PCDH15: variants seen among roughly 807,000 people sequenced by gnomAD.
PCDH15 encodes the protein protocadherin-15.
PCDH15 carries 129 observed loss-of-function variants against 178.5 expected under a neutral mutation model. The observed-to-expected ratio is 0.72, with a 90% confidence interval of 0.63 to 0.84. The LOEUF is 0.84. PCDH15 is among the 40% of genes least tolerant of loss of function. The pLI is 0.00. For missense variants in PCDH15, 2,230 were observed against 2,099.9 expected, an observed-to-expected ratio of 1.06 and a Z score of -1.21; for synonymous variants, 800 against 732.0, an observed-to-expected ratio of 1.09 and a Z score of -1.50.
intron 2 of PCDH15, among the ~76,000 whole-genome samples, chr10:55,006,476 T>A (rs905161476): frequency 6.6e-6 from 1 of 152,242 alleles, no homozygotes; most frequent in Non-Finnish European, 1.5e-5. Context: ...ATGCAAGGTA[T>A]ACTTACAAGC....
intron 3 of PCDH15, among the ~76,000 whole-genome samples, chr10:54,883,594 AT>A (rs1954301246): frequency 1.3e-5 from 2 of 152,052 alleles, no homozygotes; most frequent in South Asian, 4.1e-4. Context: ...TATCTCACCA[AT>A]AAAAAATACT....
At chr10:55,388,493 G>A (rs1439563915) in intron 2 of PCDH15, among the ~76,000 whole-genome samples, 2 of 152,034 alleles carry the variant, frequency 1.3e-5, no homozygotes, top group African/African-American at 4.8e-5. Flanking sequence ...TTAAACTTCT[G>A]TCTGTCTGGA....
intron 1 of PCDH15, among the ~76,000 whole-genome samples, chr10:55,217,898 C>A (rs1391806901): frequency 6.6e-6 from 1 of 151,898 alleles, no homozygotes; most frequent in Non-Finnish European, 1.5e-5. Context: ...GTTAGTCTAA[C>A]AGCTTTTTTG....
chr10:53,977,654 CA>C (rs1248164693), intron 21 of PCDH15, among the ~76,000 whole-genome samples: 3 of 152,186 alleles, frequency 2.0e-5, no homozygotes, highest in Non-Finnish European at 4.4e-5. Context: ...AACAGTCCCT[CA>C]AAGTCTTAAC....
At chr10:54,057,842 C>G (rs1229478876) in intron 18 of PCDH15, among the ~76,000 whole-genome samples, 1 of 152,148 alleles carries the variant, frequency 6.6e-6, no homozygotes, top group Non-Finnish European at 1.5e-5. Context: ...GAAGTTTCTT[C>G]TGCTAGATAT....
At chr10:54,573,395 A>G (rs1375784207) in intron 2 of PCDH15, among the ~76,000 whole-genome samples, 1 of 152,208 alleles carries the variant, frequency 6.6e-6, no homozygotes, top group African/African-American at 2.4e-5. Context: ...ACACATACAC[A>G]TAAATTTAGG....
chr10:54,154,964 T>C (rs2044948300), intron 13 of PCDH15, among the ~76,000 whole-genome samples: 1 of 152,192 alleles, frequency 6.6e-6, no homozygotes, highest in Admixed American at 6.6e-5. Context: ...TTCTGTTTTG[T>C]GTATGGATAA....
At chr10:54,466,192 C>G (rs770935492) in intron 3 of PCDH15, among the ~76,000 whole-genome samples, 7 of 151,822 alleles carry the variant, frequency 4.6e-5, no homozygotes, top group Non-Finnish European at 1.0e-4. Context: ...CTTAGCTGTG[C>G]AGAAATTTTT....
intron 2 of PCDH15, among the ~76,000 whole-genome samples, chr10:55,451,581 A>C (rs1839436652): frequency 6.6e-6 from 1 of 152,188 alleles, no homozygotes; most frequent in African/African-American, 2.4e-5. Flanking sequence ...TGTAAAAAAG[A>C]ATTCATTCAG....
intron 2 of PCDH15, among the ~76,000 whole-genome samples, chr10:55,333,028 T>C (rs1182157543): frequency 6.6e-6 from 1 of 152,150 alleles, no homozygotes; most frequent in East Asian, 1.9e-4. Context: ...AATGCATACT[T>C]TTACTAGCTA....
intron 3 of PCDH15, among the ~76,000 whole-genome samples, chr10:54,401,910 C>T (rs545599433): frequency 6.6e-6 from 1 of 151,704 alleles, no homozygotes; most frequent in East Asian, 1.9e-4. Context: ...GCTAGCATAA[C>T]CCTGATAACA....
At chr10:55,221,953 G>T (rs1353703108) in intron 1 of PCDH15, among the ~76,000 whole-genome samples, 1 of 150,002 alleles carries the variant, frequency 6.7e-6, no homozygotes, top group Admixed American at 6.6e-5. Context: ...TGCAACCTCC[G>T]CCTCCTGGGT....
intron 2 of PCDH15, among the ~76,000 whole-genome samples, chr10:55,093,880 A>T (rs1031299783): frequency 6.6e-6 from 1 of 152,164 alleles, no homozygotes; most frequent in African/African-American, 2.4e-5. Context: ...ATCATTAAAA[A>T]GTCAGGAAAC....
intron 8 of PCDH15, among the ~76,000 whole-genome samples, chr10:54,311,402 T>C (rs1222143338): frequency 1.3e-5 from 2 of 152,090 alleles, no homozygotes; most frequent in African/African-American, 4.8e-5. Flanking sequence ...TAAGGATTTA[T>C]CATGGTTTTA....
At chr10:54,672,241 T>G (rs1051934795) in intron 1 of PCDH15, among the ~76,000 whole-genome samples, 1 of 151,492 alleles carries the variant, frequency 6.6e-6, no homozygotes, top group Non-Finnish European at 1.5e-5. Flanking sequence ...ATAATAGAAA[T>G]AGAGTGTATA....
chr10:54,924,604 T>C (rs1837569974), intron 2 of PCDH15, among the ~76,000 whole-genome samples: 1 of 150,404 alleles, frequency 6.6e-6, no homozygotes, highest in Non-Finnish European at 1.5e-5. Flanking sequence ...CATTAGCATC[T>C]GTTATTTTTT....
At chr10:55,447,199 T>C (rs1839336314) in intron 2 of PCDH15, among the ~76,000 whole-genome samples, 1 of 152,074 alleles carries the variant, frequency 6.6e-6, no homozygotes, top group South Asian at 2.1e-4. Flanking sequence ...TTGGTAAGTG[T>C]AGTAAACGTT....
rs999392369 is a variant in PCDH15 at position 55,042,833 on chromosome 10, A to G, written c.-80+123743T>C. Among the ~76,000 whole-genome samples, 4 of 152,164 alleles carry G rather than the reference A, an allele frequency of 2.6e-5. No individual in the cohort carries two copies. The South Asian group carries it at 6.2e-4, about 24-fold the overall frequency. ...CTATGATCTACCTTCCAGTCTTTCAATATAAATTTATTTAATACATTTTGA... is the reference window on the plus strand; with the variant it reads ...CTATGATCTACCTTCCAGTCTTTCAGTATAAATTTATTTAATACATTTTGA... On this transcript the variant is annotated intron_variant, in intron 2 of 5. Transcript: ENST00000458638.
chr10:54,202,825 A>G (rs1027945321), intron 10 of PCDH15, among the ~76,000 whole-genome samples: 1 of 141,258 alleles, frequency 7.1e-6, no homozygotes, highest in Non-Finnish European at 1.5e-5. Flanking sequence ...AAAAAAAAAA[A>G]AAAAAAGTAG....
Sources: gnomAD v4.1 joint callset for allele counts (sites outside exome capture counted in the v4.1 genomes callset) on GRCh38, gnomAD v4.1.1 for gene constraint, MANE v1.5 for transcripts, NCBI Gene and HGNC (gene_info 2026-07-23, HGNC 2026-07-21) for gene names.